PTPRZ1: variants seen among roughly 807,000 people sequenced by gnomAD.
PTPRZ1 encodes receptor-type tyrosine-protein phosphatase zeta.
Under a neutral mutation model 214.1 loss-of-function variants are expected in PTPRZ1, and 82 were observed. The observed-to-expected ratio is 0.38, with a 90% CI of 0.32 to 0.46. The LOEUF (loss-of-function observed/expected upper bound fraction) is 0.46, where lower values mean the gene tolerates loss of function less well. Among genes scored for constraint, PTPRZ1 ranks in the 20% least tolerant of loss-of-function variants. The pLI is 1.00. For synonymous variants in PTPRZ1, 945 were observed against 987.9 expected (o/e 0.96, Z 0.81); for missense variants, 2,603 against 2,748.7 (o/e 0.95, Z 1.19).
intron 4 of PTPRZ1, among the ~76,000 whole-genome samples, chr7:121,973,640 A>G (rs901815815): frequency 6.6e-6 from 1 of 152,180 alleles, no homozygotes; most frequent in Non-Finnish European, 1.5e-5. Flanking sequence ...TTACTCATAA[A>G]AGTAATTGAG....
intron 1 of PTPRZ1, among the ~76,000 whole-genome samples, chr7:121,913,171 A>G (rs1161182752): frequency 6.6e-6 from 1 of 152,190 alleles, no homozygotes; most frequent in Non-Finnish European, 1.5e-5. Flanking sequence ...AAGATACCAT[A>G]TGATGCATGA....
rs1441902616 is a variant in PTPRZ1 at position 121,996,583 on chromosome 7, T to C, written c.1113+17T>C. 2.5e-6 allele frequency: 4 copies of C among 1,572,972 alleles called. No individual in the cohort carries two copies. In the East Asian group the frequency reaches 6.8e-5, roughly 27 times the overall value. On this transcript the variant is annotated intron_variant, in intron 9 of 29. Coordinates refer to ENST00000393386, the MANE Select transcript of PTPRZ1 (RefSeq NM_002851.3). ...CAAGACTTGGTAACTATATGATCAG[T>C]TGTTTTACATAGGGTAACATTATAA...
chr7:121,981,011 A>G (rs764868013), intron 6 of PTPRZ1, among the ~76,000 whole-genome samples: 35 of 152,212 alleles, frequency 2.3e-4, no homozygotes, highest in Non-Finnish European at 3.8e-4. Flanking sequence ...GCGTGGTGGC[A>G]GGCGCCTATA....
chr7:121,921,687 T>C (rs936007006), intron 1 of PTPRZ1, among the ~76,000 whole-genome samples: 84 of 152,192 alleles, frequency 5.5e-4, no homozygotes, highest in African/African-American at 1.9e-3. Flanking sequence ...CATTCAAAAG[T>C]ACTTTTATTT....
chr7:122,054,735 G>C (rs1461523170), intron 26 of PTPRZ1, among the ~76,000 whole-genome samples: 1 of 151,934 alleles, frequency 6.6e-6, no homozygotes. Flanking sequence ...AAATAATAAA[G>C]CAATAGTTTG....
At chr7:121,997,782 C>A in intron 9 of PTPRZ1, 98 bp from the exon 10 acceptor site, 2 of 979,582 alleles carry the variant, frequency 2.0e-6, no homozygotes, top group South Asian at 2.0e-5. Flanking sequence ...AAGTATTTTC[C>A]ACGGACCAGG....
In PTPRZ1 at chr7:122,061,135, A is replaced by G. The variant is rs996050517; in HGVS notation, c.6863A>G (p.Glu2288Gly). 1 of 1,609,602 alleles carries G rather than the reference A, an allele frequency of 6.2e-7. No individual in the cohort carries two copies. Among genetic ancestry groups the G allele is most frequent in the Non-Finnish European group, 8.5e-7 (1 of 1,176,922 alleles). Residue 2288 changes from glutamate (E) to glycine (G), a missense_variant, in exon 30 of 30, where the codon GAA becomes GGA. This residue lies in a region of PTPRZ1 where 165 missense variants were observed against 151.4 expected (regional missense o/e 1.09). Transcript: ENST00000393386. ...CTCAGCCTTGTGAGCACAAGGCAGG[A>G]AGAGAATCCATCCACCTCTCTGGAC... ...VILSLVSTRQ[E>G]ENPSTSLDSN...
rs775110184 is a variant in PTPRZ1 at position 121,968,016 on chromosome 7, A to G, written c.190A>G (p.Ile64Val). The G allele has an allele frequency of 1.1e-5, 18 of 1,594,978 alleles. No individual in the cohort carries two copies. In the South Asian group the frequency reaches 1.4e-4, roughly 13 times the overall value. ...PTCNSPKQSPINIDEDLTQVN... is the reference protein window; with the variant it reads ...PTCNSPKQSPVNIDEDLTQVN... Reference sequence around the variant, plus strand: ...ATGTAATAGCCCAAAACAATCTCCTATCAATATTGATGAAGATCTTACACA... The same window carrying G: ...ATGTAATAGCCCAAAACAATCTCCTGTCAATATTGATGAAGATCTTACACA... Residue 64 changes from isoleucine to valine, a missense_variant, in exon 3 of 30, where the codon ATC (isoleucine) becomes GTC (valine). By Grantham distance (29) the Ile-to-Val change is conservative. This residue lies in a region of PTPRZ1 where 141 missense variants were observed against 143.7 expected (regional missense o/e 0.98). Coordinates refer to ENST00000393386, the MANE Select transcript of PTPRZ1 (RefSeq NM_002851.3).
chr7:122,039,016 A>C (rs1799634095), intron 19 of PTPRZ1, 127 bp downstream of exon 19: 1 of 987,560 alleles, frequency 1.0e-6, no homozygotes, highest in African/African-American at 1.6e-5. Flanking sequence ...TTTTTAGTAA[A>C]TATGACAGCT....
At chr7:122,037,203 A>T (rs934334975) in intron 18 of PTPRZ1, among the ~76,000 whole-genome samples, 3 of 151,256 alleles carry the variant, frequency 2.0e-5, no homozygotes, top group African/African-American at 7.3e-5. Context: ...TGAACCCGGG[A>T]GGCAGAGTTT....
At chr7:121,919,540 A>G (rs913880015) in intron 1 of PTPRZ1, among the ~76,000 whole-genome samples, 2 of 152,086 alleles carry the variant, frequency 1.3e-5, no homozygotes, top group African/African-American at 4.8e-5. Context: ...TTCTTCATAC[A>G]TAGAAATGCA....
At chr7:121,990,063 A>G (rs1797902378) in intron 8 of PTPRZ1, among the ~76,000 whole-genome samples, 1 of 152,122 alleles carries the variant, frequency 6.6e-6, no homozygotes, top group African/African-American at 2.4e-5. Context: ...TTATAACTGT[A>G]TATTAAACCT....
At chr7:121,896,761 A>T (rs1338222086) in intron 1 of PTPRZ1, among the ~76,000 whole-genome samples, 1 of 151,200 alleles carries the variant, frequency 6.6e-6, no homozygotes, top group Non-Finnish European at 1.5e-5. Flanking sequence ...TGACAGGGTG[A>T]GACTCTGCCT....
intron 22 of PTPRZ1, 78 bp from the exon 23 acceptor site, chr7:122,044,344 T>C: frequency 3.9e-6 from 6 of 1,525,464 alleles, no homozygotes; most frequent in Non-Finnish European, 5.4e-6. Flanking sequence ...TGTCTGTCAA[T>C]GGAAGGTACT....
chr7:122,025,971 T>G (rs1441558981), intron 13 of PTPRZ1, among the ~76,000 whole-genome samples: 1 of 152,164 alleles, frequency 6.6e-6, no homozygotes, highest in African/African-American at 2.4e-5. Context: ...GTTTAAGTAT[T>G]GAAAAGCCTT....
intron 12 of PTPRZ1, among the ~76,000 whole-genome samples, chr7:122,014,497 G>A (rs1279789898): frequency 1.3e-5 from 2 of 152,060 alleles, no homozygotes; most frequent in African/African-American, 4.8e-5. Context: ...GGAGTGCAGT[G>A]GTGCAATCTC....
intron 28 of PTPRZ1, chr7:122,059,505 G>A: frequency 2.8e-6 from 1 of 362,348 alleles, no homozygotes; most frequent in Non-Finnish European, 4.9e-6. Flanking sequence ...TCCTTTCATA[G>A]TATACAAATA....
chr7:122,039,685 A>T, intron 20 of PTPRZ1, 97 bp downstream of exon 20: 1 of 1,438,404 alleles, frequency 7.0e-7, no homozygotes, highest in Non-Finnish European at 9.4e-7. Context: ...TAAAAAGCAT[A>T]TAACTAAAGG....
rs1489564855 is a variant in PTPRZ1, at chr7:121,997,954, A to T, written c.1188A>T (p.Leu396Phe). The T allele has an allele frequency of 6.2e-7, 1 of 1,613,156 alleles. No individual in the cohort carries two copies. Among genetic ancestry groups the T allele is most frequent in the East Asian group, 2.2e-5 (1 of 44,840 alleles). Residue 396 changes from leucine (L) to phenylalanine (F), a missense_variant, in exon 10 of 30, where the codon TTA (leucine) becomes TTT (phenylalanine). Physicochemically the swap from Leu to Phe is conservative, Grantham distance 22. This residue lies in a region of PTPRZ1 where 244 missense variants were observed against 333.2 expected (regional missense o/e 0.73). Transcript: ENST00000393386. ...TAGTAGCCATATGCACTAATGGCTTATATGGAAAATACAGCGACCAACTGA... is the reference window on the plus strand; with the variant it reads ...TAGTAGCCATATGCACTAATGGCTTTTATGGAAAATACAGCGACCAACTGA... ...LQIVAICTNG[L>F]YGKYSDQLIV...
Sources: gnomAD v4.1 joint callset for allele counts (sites outside exome capture counted in the v4.1 genomes callset) on GRCh38, gnomAD v4.1.1 for gene constraint, gnomAD v4.1.1 regional missense constraint, MANE v1.5 for transcripts, NCBI Gene and HGNC (gene_info 2026-07-23, HGNC 2026-07-21) for gene names.